The following SCAF8 variants were observed in gnomAD, a reference collection of about 807,000 sequenced individuals.
SCAF8 encodes SR-related and CTD-associated factor 8.
SCAF8 carries 23 observed loss-of-function variants against 140.5 expected under a neutral mutation model. The observed-to-expected ratio is 0.16, with a 90% confidence interval of 0.12 to 0.23. SCAF8 has a LOEUF of 0.23. Ranked by LOEUF, SCAF8 falls within the 10% of genes least tolerant of loss-of-function variation. The probability of loss-of-function intolerance (pLI) is 1.00; values close to 1 mark genes in which losing one functional copy is unlikely to be tolerated. For synonymous variants in SCAF8, 575 were observed against 528.9 expected, an observed-to-expected ratio of 1.09 and a Z score of -1.20; for missense variants, 1,397 against 1,555.7, an observed-to-expected ratio of 0.90 and a Z score of 1.72.
chr6:154,809,142 C>T (rs1778010898), intron 11 of SCAF8, among the ~76,000 whole-genome samples: 1 of 152,116 alleles, frequency 6.6e-6, no homozygotes, highest in South Asian at 2.1e-4. Context: ...CCACTCATCT[C>T]ACAGTGATAC....
chr6:154,759,508 G>A (rs1460441023), intron 1 of SCAF8, among the ~76,000 whole-genome samples: 1 of 152,060 alleles, frequency 6.6e-6, no homozygotes, highest in African/African-American at 2.4e-5. Context: ...TAATACAAAT[G>A]TTAATTATTT....
intron 13 of SCAF8, among the ~76,000 whole-genome samples, chr6:154,816,695 A>G (rs1226752704): frequency 1.3e-5 from 2 of 152,098 alleles, no homozygotes; most frequent in East Asian, 3.9e-4. Context: ...TTTTATCATT[A>G]TTTATCAGAA....
chr6:154,758,224 T>C (rs1040405749), intron 1 of SCAF8, among the ~76,000 whole-genome samples: 2 of 152,194 alleles, frequency 1.3e-5, no homozygotes. Context: ...GTTTCACTTA[T>C]ATGCTGGCGA....
chr6:154,829,214 G>A (rs28579437), intron 18 of SCAF8, among the ~76,000 whole-genome samples: 62,209 of 151,126 alleles, frequency 0.41, 14,954 homozygotes, highest in Non-Finnish European at 0.54. Context: ...TGTAGATGTG[G>A]TGCCAGTTTC....
chr6:154,781,470 C>G (rs769866521), intron 3 of SCAF8, among the ~76,000 whole-genome samples: 2 of 152,042 alleles, frequency 1.3e-5, no homozygotes, highest in Non-Finnish European at 2.9e-5. Context: ...ACATTTTTCA[C>G]AGAATTAGAA....
intron 7 of SCAF8, 131 bp from the exon 8 acceptor site, chr6:154,803,413 T>C: frequency 1.4e-6 from 1 of 693,964 alleles, no homozygotes; most frequent in South Asian, 1.7e-5. Flanking sequence ...TAGTATAAAG[T>C]GATACAAAAT....
chr6:154,784,449 C>G (rs1341432825), intron 3 of SCAF8, among the ~76,000 whole-genome samples: 1 of 152,056 alleles, frequency 6.6e-6, no homozygotes, highest in Non-Finnish European at 1.5e-5. Context: ...ACTTTTGCCT[C>G]TTGCTTTATT....
chr6:154,740,535 T>C (rs1778539963), intron 1 of SCAF8, among the ~76,000 whole-genome samples: 1 of 152,332 alleles, frequency 6.6e-6, no homozygotes, highest in Non-Finnish European at 1.5e-5. Flanking sequence ...GTGACTGTAT[T>C]TCCTTTGTTT....
intron 7 of SCAF8, 90 bp downstream of exon 7, chr6:154,802,237 T>A: frequency 1.3e-6 from 1 of 798,094 alleles, no homozygotes; most frequent in Non-Finnish European, 1.9e-6. Flanking sequence ...AATTTTATTG[T>A]AGACTTTCAG....
At chr6:154,748,824 A>T (rs995684792) in intron 1 of SCAF8, among the ~76,000 whole-genome samples, 11 of 152,280 alleles carry the variant, frequency 7.2e-5, no homozygotes, top group South Asian at 4.1e-4. Flanking sequence ...ATTCTTGTGC[A>T]AAATTTCCTA....
intron 4 of SCAF8, 55 bp from the exon 5 acceptor site, chr6:154,792,768 T>G (rs1777461202): frequency 8.0e-7 from 1 of 1,249,772 alleles, no homozygotes; most frequent in Non-Finnish European, 1.1e-6. Context: ...ATGAAATGAC[T>G]GTACTAAGGT....
At chr6:154,811,088 T>G (rs1020318832) in intron 12 of SCAF8, among the ~76,000 whole-genome samples, 1 of 152,196 alleles carries the variant, frequency 6.6e-6, no homozygotes, top group Admixed American at 6.5e-5. Context: ...CTTGGCTATC[T>G]TGCATGAATT....
chr6:154,817,752 A>C (rs1331962685), intron 13 of SCAF8, among the ~76,000 whole-genome samples: 2 of 152,218 alleles, frequency 1.3e-5, no homozygotes, highest in Non-Finnish European at 2.9e-5. Context: ...AGTGAAAATA[A>C]AATGATAGAA....
At chr6:154,786,397 A>T (rs933656031) in intron 3 of SCAF8, among the ~76,000 whole-genome samples, 2 of 152,256 alleles carry the variant, frequency 1.3e-5, no homozygotes, top group Admixed American at 1.3e-4. Context: ...TGTTATACTC[A>T]GGAGCAATTT....
At chr6:154,764,042 A>G (rs953156328) in intron 1 of SCAF8, among the ~76,000 whole-genome samples, 1 of 152,208 alleles carries the variant, frequency 6.6e-6, no homozygotes, top group Non-Finnish European at 1.5e-5. Context: ...TGGAGTAGCC[A>G]TCTCAGTTTA....
chr6:154,826,392 T>C (rs745456000), intron 17 of SCAF8, among the ~76,000 whole-genome samples: 15 of 152,142 alleles, frequency 9.9e-5, no homozygotes. Context: ...TTATTAAAAA[T>C]AAAATTAAAT....
intron 18 of SCAF8, among the ~76,000 whole-genome samples, chr6:154,829,293 C>T (rs1055985437): frequency 3.4e-5 from 5 of 145,672 alleles, no homozygotes; most frequent in South Asian, 4.3e-4. Context: ...GTTTTGATAT[C>T]TGTATTTTCT....
At chr6:154,752,810 C>T (rs1483828776) in intron 1 of SCAF8, among the ~76,000 whole-genome samples, 1 of 152,280 alleles carries the variant, frequency 6.6e-6, no homozygotes, top group Non-Finnish European at 1.5e-5. Context: ...CATTCTCCGC[C>T]TCCTAGGTTC....
At chr6:154,784,120 G>GATATATATATATATATAT (rs72135986) in intron 3 of SCAF8, among the ~76,000 whole-genome samples, 90 of 106,804 alleles carry the variant, frequency 8.4e-4, no homozygotes, top group African/African-American at 1.8e-3. Flanking sequence ...GGTGTCTTGA[G>GATATATATATATATATAT]ATATATATAT....
Sources: allele counts gnomAD v4.1 joint callset (sites outside exome capture counted in the v4.1 genomes callset), GRCh38; gene constraint gnomAD v4.1.1; transcripts MANE v1.5; gene names NCBI Gene and HGNC (gene_info 2026-07-23, HGNC 2026-07-21).